Variants in EIF4E1B observed in about 807,000 individuals in gnomAD.
EIF4E1B encodes the protein eukaryotic translation initiation factor 4E family member 1B, also known as eukaryotic translation initiation factor 4E type 1B.
A neutral mutation model predicts 31.3 loss-of-function variants in EIF4E1B; 22 were observed. The ratio of observed to expected loss-of-function variants is 0.70; its 90% CI spans 0.50 to 1.00. EIF4E1B has a LOEUF of 1.00. EIF4E1B is among the 50% of genes least tolerant of loss of function. The pLI is 0.00. For synonymous variants in EIF4E1B, 126 were observed against 120.2 expected, an observed-to-expected ratio of 1.05 and a Z score of -0.31; for missense variants, 290 against 311.6, an observed-to-expected ratio of 0.93 and a Z score of 0.52.
intron 1 of EIF4E1B, among the ~76,000 whole-genome samples, chr5:176,640,449 G>A (rs1760555072): frequency 6.6e-6 from 1 of 152,230 alleles, no homozygotes. Context: ...GGTTTGTTGT[G>A]CAGCAATAGA....
intron 1 of EIF4E1B, among the ~76,000 whole-genome samples, chr5:176,633,221 GT>G (rs1760437214): frequency 2.0e-5 from 3 of 148,846 alleles, no homozygotes; most frequent in Admixed American, 6.7e-5. Context: ...TTTTTTGTTT[GT>G]TTGTTTGTTT....
At chr5:176,642,842 C>A in intron 3 of EIF4E1B, 40 bp downstream of exon 3, 1 of 1,439,276 alleles carries the variant, frequency 6.9e-7, no homozygotes, top group African/African-American at 1.7e-5. Context: ...GCACCATGGC[C>A]CCGCCCTCTC....
At position 176,642,714 on chromosome 5, in the gene EIF4E1B, T is replaced by C; in HGVS notation, c.-74T>C. The C allele has an allele frequency of 6.5e-7, 1 of 1,547,106 alleles. No individual in the cohort carries two copies. Among genetic ancestry groups the C allele is most frequent in the Non-Finnish European group, 8.7e-7 (1 of 1,144,654 alleles). On this transcript the variant is annotated 5_prime_UTR_variant, in exon 3 of 9. Transcript: ENST00000318682. Reference sequence around the variant, plus strand: ...AATATTGACGCTTACCTTCAGGTCTTGGCCCCCATGGTGTGGGGCTTGGTC... The same window carrying C: ...AATATTGACGCTTACCTTCAGGTCTCGGCCCCCATGGTGTGGGGCTTGGTC...
intron 1 of EIF4E1B, among the ~76,000 whole-genome samples, chr5:176,636,623 T>C (rs961301052): frequency 7.9e-5 from 12 of 152,230 alleles, no homozygotes; most frequent in Non-Finnish European, 1.5e-4. Flanking sequence ...GCATTCCTGC[T>C]GTCCAGAGGC....
At chr5:176,633,345 C>G (rs59022624) in intron 1 of EIF4E1B, among the ~76,000 whole-genome samples, 1,585 of 152,302 alleles carry the variant, frequency 0.01, 34 homozygotes, top group African/African-American at 0.035. Flanking sequence ...GTGATTCTCT[C>G]ATCTCAGCCC....
At chr5:176,639,494 G>C (rs1206262692) in intron 1 of EIF4E1B, among the ~76,000 whole-genome samples, 1 of 152,180 alleles carries the variant, frequency 6.6e-6, no homozygotes, top group African/African-American at 2.4e-5. Flanking sequence ...GCTGGAAGCT[G>C]TGGGAAGTGG....
At chr5:176,644,316 A>G (rs1434053344) in intron 5 of EIF4E1B, 60 bp from the exon 6 acceptor site, 2 of 1,527,726 alleles carry the variant, frequency 1.3e-6, no homozygotes, top group Non-Finnish European at 8.9e-7. Context: ...GGCTGAACCC[A>G]GTTGGAACCA....
intron 4 of EIF4E1B, among the ~76,000 whole-genome samples, 175 bp downstream of exon 4, chr5:176,643,441 ACT>A (rs1217051224): frequency 6.6e-6 from 1 of 152,094 alleles, no homozygotes; most frequent in East Asian, 1.9e-4. Flanking sequence ...CCCCGCAGAG[ACT>A]GTGGGTCAAA....
intron 1 of EIF4E1B, among the ~76,000 whole-genome samples, chr5:176,640,497 C>G (rs977452871): frequency 6.6e-6 from 1 of 152,222 alleles, no homozygotes; most frequent in Non-Finnish European, 1.5e-5. Flanking sequence ...CAGGGCCTAT[C>G]TATCACTAAA....
intron 1 of EIF4E1B, among the ~76,000 whole-genome samples, chr5:176,637,743 G>A (rs1439519603): frequency 6.6e-6 from 1 of 152,102 alleles, no homozygotes; most frequent in East Asian, 1.9e-4. Flanking sequence ...AGGGAGAGGA[G>A]GGCTGGAGGG....
At chr5:176,642,398 G>A (rs1760593972) in intron 2 of EIF4E1B, among the ~76,000 whole-genome samples, 1 of 152,258 alleles carries the variant, frequency 6.6e-6, no homozygotes, top group African/African-American at 2.4e-5. Context: ...CAGCACTTTG[G>A]GAGGCTGAAA....
rs1174251126 is a variant in EIF4E1B at position 176,642,864 on chromosome 5, C to CG, written c.15+62_15+63insG. 4.3e-4 allele frequency: 589 copies of CG among 1,362,792 alleles called. 12 individuals are homozygous for CG. The highest frequency in any genetic ancestry group is 7.0e-4 in the East Asian group (20 of 28,598). The allele number at this position is 1,362,792 out of a possible 1,614,324, so 84.4% of individuals were successfully genotyped here. On this transcript the variant is annotated intron_variant, in intron 3 of 8. Transcript: ENST00000318682. ...GGCCCCGCCCTCTCCCCCCCCCCCC[C>CG]CGCCCCAGGTGGGCGGGGCAGGTGC...
At chr5:176,637,366 G>A (rs1760512166) in intron 1 of EIF4E1B, among the ~76,000 whole-genome samples, 1 of 152,220 alleles carries the variant, frequency 6.6e-6, no homozygotes, top group African/African-American at 2.4e-5. Flanking sequence ...TTGAACCCAG[G>A]AGGCAGAGGT....
intron 5 of EIF4E1B, 158 bp downstream of exon 5, chr5:176,643,892 AC>A: frequency 1.5e-6 from 1 of 682,486 alleles, no homozygotes; most frequent in Non-Finnish European, 2.4e-6. Context: ...ACCACCCCCC[AC>A]CCCACCACCT....
chr5:176,645,503 GTGC>G lies in EIF4E1B; in HGVS notation c.605_607del (p.Leu202del). The G allele has an allele frequency of 6.6e-7, 1 of 1,517,292 alleles. No individual in the cohort carries two copies. 94.0% of individuals were successfully genotyped at this position (1,517,292 alleles called of 1,614,324 possible). A position where few individuals can be genotyped will look rare whatever the true frequency, so the allele number is the denominator to read the frequency against. On this transcript the variant is annotated inframe_deletion, in exon 8 of 9. Coordinates refer to ENST00000318682, the MANE Select transcript of EIF4E1B (RefSeq NM_001099408.2). This position sits in a 1 kb window ranked among gnomAD's most constrained non-coding sequence, Gnocchi z 5.4. ...GAGGGAGGCGGAAAACCAGGCGGGC[GTGC>G]TGCACGTTGGGTGAGGAGGGTCTCT...
At chr5:176,633,062 G>C (rs1760432863) in intron 1 of EIF4E1B, among the ~76,000 whole-genome samples, 1 of 152,320 alleles carries the variant, frequency 6.6e-6, no homozygotes, top group African/African-American at 2.4e-5. Context: ...AACACCAACA[G>C]GACAAGCTGC....
At chr5:176,636,737 G>A (rs1315936307) in intron 1 of EIF4E1B, among the ~76,000 whole-genome samples, 2 of 152,236 alleles carry the variant, frequency 1.3e-5, no homozygotes, top group Non-Finnish European at 2.9e-5. Flanking sequence ...CATCCATTAC[G>A]TCACGACGTC....
rs1167697595 is a variant in EIF4E1B at position 176,638,885 on chromosome 5, C to G, written c.-201-3158C>G. The stretch of plus-strand genomic sequence containing the variant: ...TACCTCCCCAATTCAAGTGATTCTC[C>G]TGCCTCAGCCTCCCAAGTAGCTGGG... On this transcript the variant is annotated intron_variant, in intron 1 of 8. Coordinates refer to ENST00000318682, the MANE Select transcript of EIF4E1B (RefSeq NM_001099408.2). This position sits in a 1 kb window ranked among gnomAD's most constrained non-coding sequence, Gnocchi z 4.3. 6.6e-6 allele frequency among the ~76,000 whole-genome samples: 1 copy of G among 152,234 alleles called. No homozygotes were observed. Among genetic ancestry groups the G allele is most frequent in the Non-Finnish European group, 1.5e-5 (1 of 68,044 alleles).
chr5:176,645,790 TG>T lies in EIF4E1B; in HGVS notation c.615-74del. 2 of 1,333,244 alleles carry T rather than the reference TG, an allele frequency of 1.5e-6. No homozygotes were observed. The highest frequency in any genetic ancestry group is 2.0e-6 in the Non-Finnish European group (2 of 981,008). 82.6% of individuals were successfully genotyped at this position (1,333,244 alleles called of 1,614,324 possible). A position where few individuals can be genotyped will look rare whatever the true frequency, so the allele number is the denominator to read the frequency against. ...TGTGGCCAGAATGAGGGTAGGAGTC[TG>T]GTGGCCTAAGTTATCTCTAGGACCC... On this transcript the variant is annotated intron_variant, in intron 8 of 8. Transcript: ENST00000318682. This position sits in a 1 kb window ranked among gnomAD's most constrained non-coding sequence, Gnocchi z 5.4.
Sources: allele counts gnomAD v4.1 joint callset (sites outside exome capture counted in the v4.1 genomes callset), GRCh38; gene constraint gnomAD v4.1.1; non-coding constraint Gnocchi (gnomAD v3.1); transcripts MANE v1.5; gene names NCBI Gene and HGNC (gene_info 2026-07-23, HGNC 2026-07-21).